Variants in RHD observed in about 807,000 individuals in gnomAD.
RHD encodes the protein blood group Rh(D) polypeptide.
RHD carries 16 observed loss-of-function variants against 45.5 expected under a neutral mutation model. The observed-to-expected ratio is 0.35, with a 90% confidence interval of 0.24 to 0.53. The LOEUF is 0.53. Ranked by LOEUF, RHD falls within the 20% of genes least tolerant of loss-of-function variation. The probability of loss-of-function intolerance (pLI) is 0.92; values close to 1 mark genes in which losing one functional copy is unlikely to be tolerated. For missense variants in RHD, 306 were observed against 532.0 expected (o/e 0.58, Z 4.18); for synonymous variants, 131 against 217.5 (o/e 0.60, Z 3.50).
intron 2 of RHD, among the ~76,000 whole-genome samples, chr1:25,288,545 T>C (rs1393815256): frequency 1.6e-5 from 2 of 125,854 alleles, no homozygotes; most frequent in East Asian, 2.0e-4. Flanking sequence ...ATAATAGCAA[T>C]AACCAACTCC....
At chr1:25,273,678 G>A (rs2124581454) in intron 1 of RHD, among the ~76,000 whole-genome samples, 1 of 118,644 alleles carries the variant, frequency 8.4e-6, no homozygotes, top group African/African-American at 2.8e-5. Flanking sequence ...TAAGACAGAT[G>A]TCCACAATGG....
intron 3 of RHD, among the ~76,000 whole-genome samples, chr1:25,296,314 T>G (rs1642956494): frequency 7.9e-6 from 1 of 125,978 alleles, no homozygotes; most frequent in Admixed American, 7.7e-5. Flanking sequence ...TGGTGTGATC[T>G]CGGCTCACTG....
chr1:25,296,044 G>A lies in RHD; in HGVS notation c.487-4902G>A, dbSNP rs1359976273. Among the ~76,000 whole-genome samples the A allele has an allele frequency of 1.3e-3, 143 of 113,338 alleles. 15 individuals are homozygous for A. Among genetic ancestry groups the A allele is most frequent in the African/African-American group, 4.0e-3 (134 of 33,718 alleles). 74.4% of individuals were successfully genotyped at this position (113,338 alleles called of 152,430 possible). A position where few individuals can be genotyped will look rare whatever the true frequency, so the allele number is the denominator to read the frequency against. On this transcript the variant is annotated intron_variant, in intron 3 of 9. Coordinates refer to ENST00000328664, the MANE Select transcript of RHD (RefSeq NM_016124.6). ...CGCCTGGCTTACTTTTGTATTTTTA[G>A]TAGAGACGGAGTTTTGCCATGTTGG...
chr1:25,275,859 G>A (rs1640914257), intron 1 of RHD, among the ~76,000 whole-genome samples: 2 of 132,040 alleles, frequency 1.5e-5, no homozygotes, highest in South Asian at 2.3e-4. Flanking sequence ...GAATGTGACT[G>A]ACAGCTTGTA....
chr1:25,312,903 G>C (rs1188414072), intron 7 of RHD, among the ~76,000 whole-genome samples: 1 of 36,852 alleles, frequency 2.7e-5, no homozygotes, highest in Non-Finnish European at 5.9e-5. Context: ...CTGGATGATA[G>C]AGCAAAATCC....
intron 4 of RHD, 50 bp from the exon 5 acceptor site, chr1:25,301,470 C>A: frequency 7.5e-7 from 1 of 1,341,750 alleles, no homozygotes. Context: ...GAGGCTCAGA[C>A]CTTTGGAGCA....
intron 3 of RHD, 39 bp from the exon 4 acceptor site, chr1:25,300,907 G>A (rs1375465973): frequency 7.3e-7 from 1 of 1,369,472 alleles, no homozygotes; most frequent in Admixed American, 1.8e-5. Context: ...CCGGGCAGAG[G>A]ATGCCGACAC....
At chr1:25,288,431 C>T (rs1642229779) in intron 2 of RHD, among the ~76,000 whole-genome samples, 1 of 128,392 alleles carries the variant, frequency 7.8e-6, no homozygotes, top group Admixed American at 7.6e-5. Flanking sequence ...CCTCCCACCT[C>T]AGCCTCCCAA....
Position 25,312,771 on chromosome 1 carries a change from T to G in RHD, c.1074-4229T>G, listed in dbSNP as rs1229934534. ...TCTCTACAAATAAAATTAAATAAAC[T>G]TAGCTGGATATGGTGGCACACATCT... is the stretch of plus-strand genomic sequence containing the variant. On this transcript the variant is annotated intron_variant, in intron 7 of 9. Coordinates refer to ENST00000328664, the MANE Select transcript of RHD (RefSeq NM_016124.6). 3.4e-5 allele frequency among the ~76,000 whole-genome samples: 4 copies of G among 116,780 alleles called. No individual in the cohort carries two copies. The East Asian group carries it at 8.1e-4, about 24-fold the overall frequency. 76.6% of individuals were successfully genotyped at this position (116,780 alleles called of 152,430 possible). A position where few individuals can be genotyped will look rare whatever the true frequency, so the allele number is the denominator to read the frequency against.
chr1:25,308,905 C>T lies in RHD; in HGVS notation c.1073+2176C>T, dbSNP rs1297229727. On this transcript the variant is annotated intron_variant, in intron 7 of 9. Coordinates refer to ENST00000328664, the MANE Select transcript of RHD (RefSeq NM_016124.6). ...CTGAAACTCTCTAAATCTCAGTTTT[C>T]TATCTGTAAAATGGGAAAATAAGAC... Among the ~76,000 whole-genome samples the T allele has an allele frequency of 2.3e-5, 3 of 131,650 alleles. 1 individual carries two copies. The highest frequency in any genetic ancestry group is 5.4e-5 in the Non-Finnish European group (3 of 55,836). The allele number at this position is 131,650 out of a possible 152,430, so 86.4% of individuals were successfully genotyped here. A position where few individuals can be genotyped will look rare whatever the true frequency, so the allele number is the denominator to read the frequency against.
At position 25,316,436 on chromosome 1, in the gene RHD, A is replaced by G. The variant is rs1479580610; in HGVS notation, c.1074-564A>G. Among the ~76,000 whole-genome samples the G allele has an allele frequency of 9.4e-5, 12 of 127,636 alleles. 3 individuals carry two copies. Among genetic ancestry groups the G allele is most frequent in the African/African-American group, 3.0e-4 (11 of 36,996 alleles). 83.7% of individuals were successfully genotyped at this position (127,636 alleles called of 152,430 possible). A position where few individuals can be genotyped will look rare whatever the true frequency, so the allele number is the denominator to read the frequency against. Reference sequence around the variant, plus strand: ...GGAGTTCGAGATCACCCTGGTCAACATGGTGAAACCCCGTCTCTATTAATA... The same window carrying G: ...GGAGTTCGAGATCACCCTGGTCAACGTGGTGAAACCCCGTCTCTATTAATA... On this transcript the variant is annotated intron_variant, in intron 7 of 9. Transcript: ENST00000328664.
intron 2 of RHD, among the ~76,000 whole-genome samples, chr1:25,285,786 T>C (rs943569452): frequency 2.2e-5 from 3 of 135,178 alleles, no homozygotes; most frequent in African/African-American, 7.7e-5. Context: ...TTGTTTTGTT[T>C]TGTTCAAACC....
chr1:25,291,016 G>A (rs1642453445), intron 3 of RHD, among the ~76,000 whole-genome samples: 1 of 131,358 alleles, frequency 7.6e-6, no homozygotes, highest in South Asian at 2.3e-4. Flanking sequence ...AGTTGTGGTG[G>A]CATGCACCTG....
chr1:25,304,507 A>G (rs1643641948), intron 6 of RHD: 1 of 129,850 alleles, frequency 7.7e-6, no homozygotes, highest in African/African-American at 2.7e-5. Flanking sequence ...CTGAGACACG[A>G]GAATCACTTG....
chr1:25,300,511 CAAAA>C (rs59194477), intron 3 of RHD, among the ~76,000 whole-genome samples: 23 of 96,520 alleles, frequency 2.4e-4, no homozygotes, highest in South Asian at 3.2e-4. Context: ...GACTCTGTCT[CAAAA>C]AAAAAAAAAA....
In RHD at chr1:25,294,371, C is replaced by T. The variant is rs1571640104; in HGVS notation, c.486+3580C>T. ...TGAGGGCTGCAGCCAGGGAATAGTC[C>T]GTCGCAGAGCAAGGATTCAAATAAG... On this transcript the variant is annotated intron_variant, in intron 3 of 9. Transcript: ENST00000328664. The T allele has an allele frequency of 2.0e-5, 16 of 788,120 alleles. 3 individuals are homozygous for T. The highest frequency in any genetic ancestry group is 2.2e-5 in the Non-Finnish European group (10 of 452,008). The allele number at this position is 788,120 out of a possible 1,614,324, so 48.8% of individuals were successfully genotyped here. A position where few individuals can be genotyped will look rare whatever the true frequency, so the allele number is the denominator to read the frequency against.
In RHD at chr1:25,281,696, C is replaced by G. The variant is rs1641501564; in HGVS notation, c.149-2877C>G. 1.5e-5 allele frequency among the ~76,000 whole-genome samples: 2 copies of G among 130,822 alleles called. 1 individual carries two copies. Among genetic ancestry groups the G allele is most frequent in the Non-Finnish European group, 3.6e-5 (2 of 55,416 alleles). The allele number at this position is 130,822 out of a possible 152,430, so 85.8% of individuals were successfully genotyped here. The stretch of plus-strand genomic sequence containing the variant: ...ATGCAAGCAGGAGATAGAAACATTC[C>G]CTGCACCTCCCTCCTTGTTGTCAGA... On this transcript the variant is annotated intron_variant, in intron 1 of 9. Coordinates refer to ENST00000328664, the MANE Select transcript of RHD (RefSeq NM_016124.6).
In RHD at chr1:25,311,943, G is replaced by A. The variant is rs149256720; in HGVS notation, c.1074-5057G>A. The stretch of plus-strand genomic sequence containing the variant: ...ACCCCAGAGAGCCCCTAGTAGAGCA[G>A]GGTCTAGTGGAGCTACAAGGGTGGG... On this transcript the variant is annotated intron_variant, in intron 7 of 9. Coordinates refer to ENST00000328664, the MANE Select transcript of RHD (RefSeq NM_016124.6). Among the ~76,000 whole-genome samples the A allele has an allele frequency of 1.0e-4, 13 of 129,930 alleles. 1 individual carries two copies. Among genetic ancestry groups the A allele is most frequent in the East Asian group, 2.0e-4 (1 of 5,108 alleles). 85.2% of individuals were successfully genotyped at this position (129,930 alleles called of 152,430 possible). A position where few individuals can be genotyped will look rare whatever the true frequency, so the allele number is the denominator to read the frequency against.
Position 25,278,214 on chromosome 1 carries a change from G to A in RHD, c.148+5519G>A, listed in dbSNP as rs1486126611. On this transcript the variant is annotated intron_variant, in intron 1 of 9. Transcript: ENST00000328664. ...ATGAAAAGAGTGGGGAGTTAAGGCT[G>A]GCTGCAGATGTATGATTTGGCATAG... is the stretch of plus-strand genomic sequence containing the variant. Among the ~76,000 whole-genome samples the A allele has an allele frequency of 1.5e-5, 2 of 129,910 alleles. 1 individual carries two copies. The highest frequency in any genetic ancestry group is 3.6e-5 in the Non-Finnish European group (2 of 54,978). 85.2% of individuals were successfully genotyped at this position (129,910 alleles called of 152,430 possible). A position where few individuals can be genotyped will look rare whatever the true frequency, so the allele number is the denominator to read the frequency against.
Sources: gnomAD v4.1 joint callset for allele counts (sites outside exome capture counted in the v4.1 genomes callset) on GRCh38, gnomAD v4.1.1 for gene constraint, MANE v1.5 for transcripts, NCBI Gene and HGNC (gene_info 2026-07-23, HGNC 2026-07-21) for gene names.